Variants in ST7 observed in about 807,000 individuals in gnomAD.
The protein encoded by ST7 is suppression of tumorigenicity 7.
A neutral mutation model predicts 78.7 loss-of-function variants in ST7; 28 were observed. The observed-to-expected ratio is 0.36, with a 90% CI of 0.26 to 0.49. The LOEUF is 0.49. Among genes scored for constraint, ST7 ranks in the 20% least tolerant of loss-of-function variants. The pLI is 0.99. For synonymous variants in ST7, 247 were observed against 249.6 expected (o/e 0.99, Z 0.10); for missense variants, 418 against 696.0 (o/e 0.60, Z 4.49).
intron 8 of ST7, chr7:117,136,881 C>G (rs909940962): frequency 3.9e-5 from 6 of 152,216 alleles, no homozygotes; most frequent in African/African-American, 1.4e-4. Flanking sequence ...AAGCCAATGA[C>G]ATTTCGTGGG....
chr7:117,160,402 C>T (rs1446040890), intron 9 of ST7, among the ~76,000 whole-genome samples: 2 of 151,934 alleles, frequency 1.3e-5, no homozygotes, highest in Non-Finnish European at 2.9e-5. Context: ...TTATCCCCGT[C>T]TTACTGATGA....
chr7:117,045,338 A>G (rs1429661169), intron 1 of ST7, among the ~76,000 whole-genome samples: 2 of 152,002 alleles, frequency 1.3e-5, no homozygotes, highest in Non-Finnish European at 2.9e-5. Flanking sequence ...TACCTTCCAT[A>G]GTATTCCCTC....
chr7:117,135,056 G>A (rs1804674113), intron 7 of ST7, among the ~76,000 whole-genome samples: 1 of 152,016 alleles, frequency 6.6e-6, no homozygotes, highest in African/African-American at 2.4e-5. Context: ...CTCTCTTGTG[G>A]TCTGATGGAA....
At chr7:117,183,726 C>G (rs958726095) in intron 10 of ST7, among the ~76,000 whole-genome samples, 1 of 152,242 alleles carries the variant, frequency 6.6e-6, no homozygotes, top group African/African-American at 2.4e-5. Flanking sequence ...AAACAGACAT[C>G]TATCTTCAGA....
intron 1 of ST7, among the ~76,000 whole-genome samples, chr7:117,061,917 A>G (rs1469074794): frequency 5.3e-5 from 8 of 152,238 alleles, no homozygotes; most frequent in African/African-American, 1.9e-4. Context: ...ATTTGATGGT[A>G]TATGAGTCAG....
chr7:117,031,882 ATTTT>A (rs760153477), intron 1 of ST7, among the ~76,000 whole-genome samples: 29,028 of 109,432 alleles, frequency 0.27, 6,744 homozygotes, highest in South Asian at 0.34. Context: ...ATATATATAT[ATTTT>A]TTTTTTTTTT....
chr7:117,199,905 A>G (rs1437022454), intron 12 of ST7, among the ~76,000 whole-genome samples: 13 of 152,186 alleles, frequency 8.5e-5, no homozygotes, highest in Admixed American at 8.5e-4. Flanking sequence ...ACATTCTCCA[A>G]GTGTGCAGTG....
At chr7:117,073,599 C>T (rs1799133594) in intron 1 of ST7, among the ~76,000 whole-genome samples, 2 of 152,172 alleles carry the variant, frequency 1.3e-5, no homozygotes, top group Non-Finnish European at 2.9e-5. Flanking sequence ...CCCAACTACC[C>T]GGGTTTAACT....
At chr7:117,021,364 G>A (rs971306593) in intron 1 of ST7, among the ~76,000 whole-genome samples, 10 of 152,156 alleles carry the variant, frequency 6.6e-5, no homozygotes, top group South Asian at 4.1e-4. Flanking sequence ...GAAATATAAC[G>A]TCAATGCAGT....
At chr7:116,954,446 C>G (rs1389711665) in intron 1 of ST7, 4 of 152,282 alleles carry the variant, frequency 2.6e-5, no homozygotes, top group African/African-American at 9.7e-5. Flanking sequence ...TTGCTCGTCT[C>G]CCTTCCCTGT....
At chr7:117,110,440 G>A (rs111634376) in intron 2 of ST7, among the ~76,000 whole-genome samples, 3,167 of 152,250 alleles carry the variant, frequency 0.021, 114 homozygotes, top group African/African-American at 0.07. Flanking sequence ...CCGTACAACA[G>A]GGTCATTGCT....
intron 13 of ST7, among the ~76,000 whole-genome samples, chr7:117,215,723 C>T (rs986668255): frequency 5.3e-5 from 8 of 152,188 alleles, no homozygotes; most frequent in Non-Finnish European, 1.2e-4. Flanking sequence ...TATTCATCAC[C>T]GTGGGAACCT....
At chr7:116,966,243 C>CTTT in intron 1 of ST7, 1 of 178,090 alleles carries the variant, frequency 5.6e-6, no homozygotes, top group Admixed American at 6.7e-5. Flanking sequence ...TTTCTTTTTT[C>CTTT]TTTCTTTTTT....
intron 1 of ST7, among the ~76,000 whole-genome samples, chr7:117,093,257 G>C (rs1267998674): frequency 6.6e-6 from 1 of 152,150 alleles, no homozygotes; most frequent in African/African-American, 2.4e-5. Context: ...TCACAATGTG[G>C]ATGTTTTACA....
rs1454228288 is a variant in ST7 at position 117,152,184 on chromosome 7, TATATATA to T, written c.963+13653_963+13659del. The stretch of plus-strand genomic sequence containing the variant: ...GTATTATATATATAAAAACTATATA[TATATATA>T]TATATATATATATATATATATATAT... On this transcript the variant is annotated intron_variant, in intron 9 of 15. Transcript: ENST00000323984. Among the ~76,000 whole-genome samples the T allele has an allele frequency of 3.3e-3, 227 of 68,180 alleles. 10 individuals are homozygous for T. The highest frequency in any genetic ancestry group is 0.011 in the African/African-American group (222 of 20,684). The allele number at this position is 68,180 out of a possible 152,430, so 44.7% of individuals were successfully genotyped here.
intron 1 of ST7, among the ~76,000 whole-genome samples, chr7:117,007,935 C>T (rs1189306169): frequency 1.3e-5 from 2 of 152,196 alleles, no homozygotes; most frequent in African/African-American, 4.8e-5. Flanking sequence ...ATACACTTCA[C>T]TACATTTTCT....
chr7:117,164,848 T>C (rs1489258214), intron 9 of ST7, among the ~76,000 whole-genome samples: 1 of 73,612 alleles, frequency 1.4e-5, no homozygotes, highest in South Asian at 5.1e-4. Flanking sequence ...TTATTGTTTT[T>C]TGGTGGGGCG....
chr7:117,004,743 C>T (rs1795089330), intron 1 of ST7, among the ~76,000 whole-genome samples: 1 of 152,048 alleles, frequency 6.6e-6, no homozygotes, highest in Non-Finnish European at 1.5e-5. Context: ...TCCTGTAATA[C>T]TTTAGAGGTA....
chr7:117,061,244 T>C (rs1798339026), intron 1 of ST7, among the ~76,000 whole-genome samples: 2 of 152,212 alleles, frequency 1.3e-5, no homozygotes, highest in African/African-American at 2.4e-5. Flanking sequence ...GGGAATCAGA[T>C]TGGCCATTTG....
Sources: gnomAD v4.1 joint callset for allele counts (sites outside exome capture counted in the v4.1 genomes callset) on GRCh38, gnomAD v4.1.1 for gene constraint, MANE v1.5 for transcripts, NCBI Gene and HGNC (gene_info 2026-07-23, HGNC 2026-07-21) for gene names.